Variants in LRP5 observed in about 807,000 individuals in gnomAD.
LRP5 encodes the protein LDL receptor related protein 5.
In LRP5, 62 loss-of-function variants were observed where a neutral mutation model predicts 154.1. The observed-to-expected ratio is 0.40, with a 90% confidence interval of 0.33 to 0.50. The LOEUF is 0.50. Among genes scored for constraint, LRP5 ranks in the 20% least tolerant of loss-of-function variants. LRP5 has a pLI of 0.55. For synonymous variants in LRP5, 966 were observed against 1,011.5 expected (o/e 0.96, Z 0.85); for missense variants, 1,915 against 2,336.7 (o/e 0.82, Z 3.72).
chr11:68,348,231 A>ACC lies in LRP5; in HGVS notation c.479_480dup (p.Ala161ProfsTer41). On this transcript the variant is annotated frameshift_variant, in exon 2 of 23. Transcript: ENST00000294304. LOFTEE classifies it high-confidence loss of function. The stretch of plus-strand genomic sequence containing the variant: ...GACCAGCCGAGGGCCATCGCCTTGG[A>ACC]CCCCGCTCACGGGTAAACCCTGCTG... The ACC allele has an allele frequency of 6.2e-7, 1 of 1,605,894 alleles. No homozygotes were observed. Among genetic ancestry groups the ACC allele is most frequent in the South Asian group, 1.1e-5 (1 of 91,068 alleles).
chr11:68,320,403 C>T (rs1452928888), intron 1 of LRP5, among the ~76,000 whole-genome samples: 2 of 151,226 alleles, frequency 1.3e-5, no homozygotes, highest in Admixed American at 6.6e-5. Context: ...ATTGCCTACA[C>T]TTATCCTTGG....
At chr11:68,414,132 G>C in intron 12 of LRP5, 120 bp downstream of exon 12, 6 of 940,560 alleles carry the variant, frequency 6.4e-6, no homozygotes, top group East Asian at 2.6e-5. Context: ...GGTTGGGTAG[G>C]TTGTGCACTG....
At chr11:68,365,510 T>C (rs2098630474) in intron 4 of LRP5, 61 bp from the exon 5 acceptor site, 2 of 1,611,738 alleles carry the variant, frequency 1.2e-6, no homozygotes, top group Admixed American at 1.7e-5. Context: ...ATGTGACTCA[T>C]TCAGAAACAA....
Position 68,449,199 on chromosome 11 carries a change from C to G in LRP5, c.*129C>G. The G allele has an allele frequency of 5.2e-5, 23 of 438,930 alleles. No homozygotes were observed. The highest frequency in any genetic ancestry group is 9.3e-5 in the East Asian group (2 of 21,612). 27.2% of individuals were successfully genotyped at this position (438,930 alleles called of 1,614,324 possible). On this transcript the variant is annotated 3_prime_UTR_variant, in exon 23 of 23. Transcript: ENST00000294304. ...ATTTTAAAAACATGAGAAATGTGAA[C>G]TGTGATGGGGTGGGCAGGGCTGGGA... is the stretch of plus-strand genomic sequence containing the variant.
At chr11:68,394,109 C>T (rs964226987) in intron 7 of LRP5, among the ~76,000 whole-genome samples, 2 of 152,176 alleles carry the variant, frequency 1.3e-5, no homozygotes, top group Non-Finnish European at 2.9e-5. Flanking sequence ...CCACATTTTT[C>T]AGATGAGAAC....
intron 11 of LRP5, chr11:68,412,817 C>T (rs2098660388): frequency 6.5e-6 from 1 of 154,454 alleles, no homozygotes; most frequent in South Asian, 2.1e-4. Context: ...GCACGTCAGC[C>T]ATGTCGAACC....
At chr11:68,359,424 T>G (rs1026669924) in intron 3 of LRP5, among the ~76,000 whole-genome samples, 1 of 152,140 alleles carries the variant, frequency 6.6e-6, no homozygotes, top group African/African-American at 2.4e-5. Context: ...CTGTAGACTG[T>G]GGTTCTTGGG....
intron 5 of LRP5, among the ~76,000 whole-genome samples, chr11:68,368,201 C>G (rs2098632143): frequency 6.6e-6 from 1 of 152,222 alleles, no homozygotes; most frequent in African/African-American, 2.4e-5. Flanking sequence ...GTTCCCCTGC[C>G]CCGAGGCACA....
intron 13 of LRP5, among the ~76,000 whole-genome samples, chr11:68,418,702 C>T (rs978342426): frequency 5.9e-5 from 9 of 152,148 alleles, no homozygotes; most frequent in South Asian, 2.1e-4. Flanking sequence ...AAAAGTCAGC[C>T]GAATTGAAAT....
chr11:68,314,234 A>T (rs1173043167), intron 1 of LRP5, among the ~76,000 whole-genome samples: 1 of 152,048 alleles, frequency 6.6e-6, no homozygotes, highest in East Asian at 1.9e-4. Context: ...CTTTCACCTC[A>T]TTGCAGTTTT....
chr11:68,368,795 C>T (rs1349365255), intron 5 of LRP5, among the ~76,000 whole-genome samples: 4 of 151,006 alleles, frequency 2.6e-5, no homozygotes, highest in Non-Finnish European at 4.4e-5. Flanking sequence ...GAAGCATTTG[C>T]GATTGCAGGA....
In LRP5 at chr11:68,416,519, G is replaced by A. The variant is rs771064776; in HGVS notation, c.3019G>A (p.Gly1007Arg). 5.0e-6 allele frequency: 8 copies of A among 1,614,050 alleles called. No individual in the cohort carries two copies. The highest frequency in any genetic ancestry group is 2.2e-5 in the South Asian group (2 of 91,078). Residue 1007 changes from glycine to arginine, a missense_variant, in exon 13 of 23, where the codon GGG (glycine) becomes AGG (arginine). Gly to Arg is a moderately radical substitution (Grantham distance 125). Transcript: ENST00000294304. The part of the protein sequence containing the change: ...RQNIKRAKDD[G>R]TQPFVLTSLS... ...GAACATCAAGCGAGCCAAGGACGACGGGACCCAGGCAGGTGCCCTGTGGGA... is the reference window on the plus strand; with the variant it reads ...GAACATCAAGCGAGCCAAGGACGACAGGACCCAGGCAGGTGCCCTGTGGGA...
At chr11:68,388,409 A>G (rs2098644205) in intron 6 of LRP5, among the ~76,000 whole-genome samples, 1 of 152,138 alleles carries the variant, frequency 6.6e-6, no homozygotes, top group East Asian at 1.9e-4. Flanking sequence ...TCCCAGGGAC[A>G]TGGGCTTGGC....
At chr11:68,310,068 GGAGA>G (rs2153109396), upstream of LRP5, among the ~76,000 whole-genome samples, 1 of 152,370 alleles carries the variant, frequency 6.6e-6, no homozygotes, top group Non-Finnish European at 1.5e-5. Flanking sequence ...CCATGCTAGT[GGAGA>G]GAAGAAAGAT....
chr11:68,324,682 C>G (rs556700807), intron 1 of LRP5, among the ~76,000 whole-genome samples: 1 of 152,358 alleles, frequency 6.6e-6, no homozygotes, highest in South Asian at 2.1e-4. Context: ...AGCAACAGCC[C>G]CTTCTGCTCA....
rs555513476 is a variant in LRP5, at chr11:68,328,986, C to T, written c.91+16181C>T. Among the ~76,000 whole-genome samples the T allele has an allele frequency of 3.9e-5, 6 of 152,286 alleles. No individual in the cohort carries two copies. In the South Asian group the frequency reaches 1.0e-3, roughly 26 times the overall value. On this transcript the variant is annotated intron_variant, in intron 1 of 22. Transcript: ENST00000294304. ...GCGTGGGTGGGGTACCTGAGGGATC[C>T]GTGAGCCCGCCCTTCCCACACGTGT...
At chr11:68,369,267 C>T (rs2098632795) in intron 5 of LRP5, among the ~76,000 whole-genome samples, 1 of 152,186 alleles carries the variant, frequency 6.6e-6, no homozygotes, top group Non-Finnish European at 1.5e-5. Context: ...CAGGTGAGAG[C>T]TGGCTTGGGG....
chr11:68,363,195 G>A (rs1461525546), intron 3 of LRP5, among the ~76,000 whole-genome samples: 2 of 152,198 alleles, frequency 1.3e-5, no homozygotes, highest in Non-Finnish European at 2.9e-5. Context: ...TTTTTGCCAG[G>A]CATGGCTTCC....
intron 1 of LRP5, among the ~76,000 whole-genome samples, chr11:68,322,049 GC>G (rs1162544650): frequency 2.0e-5 from 3 of 152,360 alleles, no homozygotes; most frequent in Non-Finnish European, 4.4e-5. Context: ...ATGTTCTGGG[GC>G]TTGCTTCTGC....
Sources: gnomAD v4.1 joint callset for allele counts (sites outside exome capture counted in the v4.1 genomes callset) on GRCh38, gnomAD v4.1.1 for gene constraint, MANE v1.5 for transcripts, NCBI Gene and HGNC (gene_info 2026-07-23, HGNC 2026-07-21) for gene names.